The following NR3C2 variants were observed in gnomAD, a reference collection of about 807,000 sequenced individuals.
NR3C2 encodes mineralocorticoid receptor.
In NR3C2, 15 loss-of-function variants were observed where a neutral mutation model predicts 86.4. The ratio of observed to expected loss-of-function variants is 0.17; its 90% CI spans 0.12 to 0.27. The LOEUF is 0.27. Ranked by LOEUF, NR3C2 falls within the 10% of genes least tolerant of loss-of-function variation. The pLI is 1.00. For missense variants in NR3C2, 960 were observed against 1,195.6 expected (o/e 0.80, Z 2.91); for synonymous variants, 458 against 450.5 (o/e 1.02, Z -0.21).
At chr4:148,317,753 T>C (rs984129935) in intron 2 of NR3C2, among the ~76,000 whole-genome samples, 6 of 127,950 alleles carry the variant, frequency 4.7e-5, no homozygotes, top group African/African-American at 1.8e-4. Context: ...GAAAACCTAA[T>C]AGATCTGCAG....
intron 4 of NR3C2, among the ~76,000 whole-genome samples, chr4:148,156,454 A>C (rs1734392133): frequency 6.6e-6 from 1 of 152,250 alleles, no homozygotes; most frequent in African/African-American, 2.4e-5. Context: ...TGGGCAAAGG[A>C]TATGAACAGA....
At chr4:148,308,588 G>T (rs148104310) in intron 2 of NR3C2, among the ~76,000 whole-genome samples, 119 of 152,266 alleles carry the variant, frequency 7.8e-4, no homozygotes, top group African/African-American at 2.7e-3. Flanking sequence ...GAAGGGTATG[G>T]GGAAGGGGGC....
intron 4 of NR3C2, among the ~76,000 whole-genome samples, chr4:148,168,269 C>A (rs1380329827): frequency 6.6e-6 from 1 of 152,198 alleles, no homozygotes; most frequent in Non-Finnish European, 1.5e-5. Context: ...AAGTGATGCA[C>A]AGAAAGACTA....
intron 4 of NR3C2, among the ~76,000 whole-genome samples, chr4:148,160,680 A>T (rs1734616105): frequency 6.6e-6 from 1 of 152,188 alleles, no homozygotes; most frequent in Non-Finnish European, 1.5e-5. Flanking sequence ...TTGGCAGTAA[A>T]CATTAGAGAG....
chr4:148,086,920 G>A (rs1730840396), intron 8 of NR3C2, among the ~76,000 whole-genome samples: 1 of 152,084 alleles, frequency 6.6e-6, no homozygotes, highest in African/African-American at 2.4e-5. Flanking sequence ...TAGAACTTCT[G>A]GCCAGGGCAA....
rs887584038 is a variant in NR3C2, at chr4:148,383,223, T to G, written c.1757+51881A>C. The stretch of plus-strand genomic sequence containing the variant: ...ATAACAGGATTTAAAGCTGCAATTT[T>G]GAATGATTTTTTAGAATTTTCCTTT... On this transcript the variant is annotated intron_variant, in intron 2 of 8. Coordinates refer to ENST00000358102, the MANE Select transcript of NR3C2 (RefSeq NM_000901.5). Among the ~76,000 whole-genome samples the G allele has an allele frequency of 5.3e-5, 8 of 152,194 alleles. 1 individual carries two copies. The South Asian group carries it at 1.7e-3, about 31-fold the overall frequency.
intron 2 of NR3C2, among the ~76,000 whole-genome samples, chr4:148,385,533 T>C (rs1464630835): frequency 6.6e-6 from 1 of 152,158 alleles, no homozygotes; most frequent in African/African-American, 2.4e-5. Flanking sequence ...CAAGGGCAAA[T>C]GCCTTAAGAG....
rs372265671 is a variant in NR3C2, at chr4:148,149,459, A to G, written c.2510+3010T>C. On this transcript the variant is annotated intron_variant, in intron 6 of 8. Transcript: ENST00000358102. The stretch of plus-strand genomic sequence containing the variant: ...CCATTTACGAAAAAACATTCTTACA[A>G]TTCTGTAATTGTTTGGAGCCCTTTG... Among the ~76,000 whole-genome samples the G allele has an allele frequency of 9.8e-5, 15 of 152,298 alleles. No homozygotes were observed. In the South Asian group the frequency reaches 1.9e-3, roughly 19 times the overall value.
At chr4:148,323,801 C>G (rs991764841) in intron 2 of NR3C2, among the ~76,000 whole-genome samples, 2 of 152,166 alleles carry the variant, frequency 1.3e-5, no homozygotes, top group African/African-American at 4.8e-5. Context: ...GTGCGATGAA[C>G]CCGGTACCTC....
At chr4:148,159,552 C>G (rs1734560518) in intron 4 of NR3C2, among the ~76,000 whole-genome samples, 1 of 152,184 alleles carries the variant, frequency 6.6e-6, no homozygotes, top group South Asian at 2.1e-4. Context: ...GGTGAAAAAA[C>G]TGAAACACAG....
chr4:148,367,708 A>T (rs56387992), intron 2 of NR3C2, among the ~76,000 whole-genome samples: 15,598 of 152,050 alleles, frequency 0.1, 966 homozygotes, highest in Middle Eastern at 0.29. Context: ...AAAATTTGTC[A>T]TTATTCAAGA....
intron 4 of NR3C2, among the ~76,000 whole-genome samples, chr4:148,155,460 A>G (rs1734326562): frequency 6.6e-6 from 1 of 152,158 alleles, no homozygotes; most frequent in Non-Finnish European, 1.5e-5. Context: ...GCATTCTTAT[A>G]CACCAATAAC....
intron 2 of NR3C2, among the ~76,000 whole-genome samples, chr4:148,386,941 C>T (rs1747292349): frequency 6.6e-6 from 1 of 152,214 alleles, no homozygotes; most frequent in South Asian, 2.1e-4. Flanking sequence ...GACTCTTCAG[C>T]CTGTGCCTGT....
chr4:148,241,908 T>C (rs542856909), intron 3 of NR3C2, among the ~76,000 whole-genome samples: 1 of 152,312 alleles, frequency 6.6e-6, no homozygotes, highest in Non-Finnish European at 1.5e-5. Context: ...AAATATTTTA[T>C]TAAGAACATT....
chr4:148,289,693 AAT>A (rs1163014202), intron 2 of NR3C2, among the ~76,000 whole-genome samples: 2 of 152,146 alleles, frequency 1.3e-5, no homozygotes, highest in Non-Finnish European at 2.9e-5. Context: ...ATTTCTAACT[AAT>A]AGAACAGAGC....
intron 8 of NR3C2, among the ~76,000 whole-genome samples, chr4:148,098,758 T>A (rs1323788080): frequency 2.0e-5 from 3 of 152,222 alleles, no homozygotes; most frequent in Admixed American, 6.5e-5. Context: ...TACTTTCTAG[T>A]CCCTTTATGA....
At chr4:148,288,059 C>T (rs1184879560) in intron 2 of NR3C2, among the ~76,000 whole-genome samples, 1 of 152,096 alleles carries the variant, frequency 6.6e-6, no homozygotes, top group Non-Finnish European at 1.5e-5. Flanking sequence ...AAACAGTCTG[C>T]AAACAGCACA....
chr4:148,217,588 C>T (rs565414347), intron 3 of NR3C2, among the ~76,000 whole-genome samples: 1 of 152,208 alleles, frequency 6.6e-6, no homozygotes, highest in Non-Finnish European at 1.5e-5. Context: ...GAGGTCCTTC[C>T]TCTTTCCATC....
intron 2 of NR3C2, among the ~76,000 whole-genome samples, chr4:148,304,406 G>A (rs546165304): frequency 8.3e-5 from 12 of 144,486 alleles, no homozygotes; most frequent in African/African-American, 2.8e-4. Flanking sequence ...AAAAGGCCTC[G>A]GGATTTACCC....
Sources: gnomAD v4.1 joint callset for allele counts (sites outside exome capture counted in the v4.1 genomes callset) on GRCh38, gnomAD v4.1.1 for gene constraint, MANE v1.5 for transcripts, NCBI Gene and HGNC (gene_info 2026-07-23, HGNC 2026-07-21) for gene names.